Variants in DLG2 observed in about 807,000 individuals in gnomAD.
DLG2 encodes disks large homolog 2.
Under a neutral mutation model 132.5 loss-of-function variants are expected in DLG2, and 45 were observed. That is an observed-to-expected ratio of 0.34 (90% CI 0.27 to 0.44). The LOEUF is 0.44. Ranked by LOEUF, DLG2 falls within the 20% of genes least tolerant of loss-of-function variation. The probability of loss-of-function intolerance (pLI) is 1.00; values close to 1 mark genes in which losing one functional copy is unlikely to be tolerated. For missense variants in DLG2, 1,045 were observed against 1,196.9 expected, an observed-to-expected ratio of 0.87 and a Z score of 1.87; for synonymous variants, 424 against 419.6, an observed-to-expected ratio of 1.01 and a Z score of -0.13.
chr11:85,524,270 G>A (rs1453441573), intron 3 of DLG2, among the ~76,000 whole-genome samples: 16 of 152,102 alleles, frequency 1.1e-4, no homozygotes, highest in Admixed American at 1.0e-3. Flanking sequence ...ACACAAAGAA[G>A]GGATAATTGC....
At chr11:84,109,222 T>C (rs1379422766) in intron 9 of DLG2, among the ~76,000 whole-genome samples, 1 of 151,976 alleles carries the variant, frequency 6.6e-6, no homozygotes, top group Non-Finnish European at 1.5e-5. Context: ...GGCCAGAAAA[T>C]AGGGTGGGTT....
intron 8 of DLG2, among the ~76,000 whole-genome samples, chr11:84,177,095 T>C (rs988632821): frequency 5.9e-5 from 9 of 152,198 alleles, no homozygotes; most frequent in Admixed American, 3.3e-4. Flanking sequence ...GCACCAAGGA[T>C]TGAAAGCAGT....
chr11:84,265,663 G>T (rs1404056623), intron 7 of DLG2, among the ~76,000 whole-genome samples: 1 of 152,176 alleles, frequency 6.6e-6, no homozygotes, highest in East Asian at 1.9e-4. Context: ...TTTGAAAATT[G>T]TAACAAGATA....
intron 19 of DLG2, among the ~76,000 whole-genome samples, chr11:83,591,934 A>G (rs1425915818): frequency 2.1e-5 from 3 of 143,310 alleles, no homozygotes; most frequent in African/African-American, 7.8e-5. Flanking sequence ...CCAACTTACA[A>G]GGGATGTGAA....
At chr11:84,447,729 C>A (rs1330668774) in intron 7 of DLG2, among the ~76,000 whole-genome samples, 1 of 152,014 alleles carries the variant, frequency 6.6e-6, no homozygotes, top group Non-Finnish European at 1.5e-5. Flanking sequence ...TGCAGGACCT[C>A]TTGTAAGAAC....
intron 14 of DLG2, among the ~76,000 whole-genome samples, chr11:83,962,390 G>T (rs2089077339): frequency 6.6e-6 from 1 of 152,060 alleles, no homozygotes; most frequent in Non-Finnish European, 1.5e-5. Context: ...TCTGGAGGGA[G>T]TTTGGGGGAA....
chr11:84,922,993 G>C (rs1749682568), intron 6 of DLG2: 3 of 1,552,644 alleles, frequency 1.9e-6, no homozygotes, highest in Admixed American at 3.4e-5. Flanking sequence ...AATCCGAAAA[G>C]TCCTGAAGCT....
intron 7 of DLG2, among the ~76,000 whole-genome samples, chr11:84,322,621 A>G (rs1222181068): frequency 3.4e-5 from 5 of 148,054 alleles, no homozygotes; most frequent in Admixed American, 3.4e-4. Flanking sequence ...AGACAGTCTT[A>G]TTCTGTTGCC....
rs1040130119 is a variant in DLG2 at position 85,506,344 on chromosome 11, T to C, written c.40+92313A>G. Among the ~76,000 whole-genome samples, 3 of 152,210 alleles carry C rather than the reference T, an allele frequency of 2.0e-5. No homozygotes were observed. The East Asian group carries it at 5.8e-4, about 29-fold the overall frequency. ...TTTAGATCTTTCCTACTTTCTCTAG[T>C]GGGCATTTAGTGCTATAAATTTCCC... On this transcript the variant is annotated intron_variant, in intron 3 of 27. Transcript: ENST00000376104.
intron 5 of DLG2, among the ~76,000 whole-genome samples, chr11:85,139,865 T>C (rs943002045): frequency 2.0e-5 from 3 of 152,076 alleles, no homozygotes; most frequent in African/African-American, 4.8e-5. Context: ...TATGTGTATA[T>C]GTATACACAC....
intron 17 of DLG2, among the ~76,000 whole-genome samples, chr11:83,804,855 G>C (rs1254499274): frequency 6.6e-6 from 1 of 151,902 alleles, no homozygotes; most frequent in African/African-American, 2.4e-5. Flanking sequence ...CAGGATTTAA[G>C]TTTTATGCAT....
At chr11:84,501,066 T>C (rs1227925110) in intron 7 of DLG2, among the ~76,000 whole-genome samples, 1 of 152,188 alleles carries the variant, frequency 6.6e-6, no homozygotes, top group Non-Finnish European at 1.5e-5. Flanking sequence ...CCTTTGTTGT[T>C]TGACTCATAA....
chr11:83,546,416 T>C (rs771590291), intron 19 of DLG2, among the ~76,000 whole-genome samples: 2 of 152,108 alleles, frequency 1.3e-5, no homozygotes, highest in Admixed American at 6.6e-5. Context: ...CACTTTACCA[T>C]AGATGGCCAT....
intron 19 of DLG2, among the ~76,000 whole-genome samples, chr11:83,582,985 C>T (rs1348282113): frequency 6.6e-6 from 1 of 152,158 alleles, no homozygotes; most frequent in Non-Finnish European, 1.5e-5. Context: ...CTAAATCTCA[C>T]AGATAAAATG....
rs548765039 is a variant in DLG2 at position 84,967,546 on chromosome 11, CAATTTT to C, written c.357+144109_357+144114del. Reference sequence around the variant, plus strand: ...GTGTTGATGTATTGTGATTTAATTTCAATTTTGTTTCATAGAAGAGATAGAGAAAAA... The same window carrying C: ...GTGTTGATGTATTGTGATTTAATTTCGTTTCATAGAAGAGATAGAGAAAAA... On this transcript the variant is annotated intron_variant, in intron 6 of 27. Transcript: ENST00000376104. Among the ~76,000 whole-genome samples, 149 of 152,154 alleles carry C rather than the reference CAATTTT, an allele frequency of 9.8e-4. No individual in the cohort carries two copies. The Middle Eastern group carries it at 0.01, about 10-fold the overall frequency.
chr11:84,402,397 A>T (rs547646967), intron 7 of DLG2, among the ~76,000 whole-genome samples: 4 of 152,296 alleles, frequency 2.6e-5, no homozygotes, highest in Non-Finnish European at 5.9e-5. Flanking sequence ...TGGGAAATTT[A>T]AGGCTGATTG....
intron 7 of DLG2, among the ~76,000 whole-genome samples, chr11:84,379,088 G>T (rs541446607): frequency 6.6e-6 from 1 of 151,060 alleles, no homozygotes; most frequent in South Asian, 2.1e-4. Flanking sequence ...AAGTCTCAAA[G>T]AATTCCCATA....
intron 22 of DLG2, among the ~76,000 whole-genome samples, chr11:83,480,201 CT>C (rs1200399458): frequency 6.6e-6 from 1 of 152,030 alleles, no homozygotes; most frequent in African/African-American, 2.4e-5. Context: ...ACTGATGGCT[CT>C]AGTGTCTTTT....
intron 19 of DLG2, among the ~76,000 whole-genome samples, chr11:83,562,342 G>A (rs1219906872): frequency 2.0e-5 from 3 of 152,062 alleles, no homozygotes; most frequent in Non-Finnish European, 2.9e-5. Flanking sequence ...CATCTGTGGT[G>A]CACTGAGACT....
Sources: gnomAD v4.1 joint callset for allele counts (sites outside exome capture counted in the v4.1 genomes callset) on GRCh38, gnomAD v4.1.1 for gene constraint, MANE v1.5 for transcripts, NCBI Gene and HGNC (gene_info 2026-07-23, HGNC 2026-07-21) for gene names.